The following RAB8A variants were observed in gnomAD, a reference collection of about 807,000 sequenced individuals.
RAB8A encodes RAB8A, member RAS oncogene family.
Under a neutral mutation model 29.2 loss-of-function variants are expected in RAB8A, and 5 were observed. That is an observed-to-expected ratio of 0.17 (90% CI 0.09 to 0.36). The LOEUF (loss-of-function observed/expected upper bound fraction) is 0.36. Among genes scored for constraint, RAB8A ranks in the 10% least tolerant of loss-of-function variants. RAB8A has a pLI of 1.00. For synonymous variants in RAB8A, 108 were observed against 99.9 expected (o/e 1.08, Z -0.49); for missense variants, 171 against 272.2 (o/e 0.63, Z 2.62).
chr19:16,130,081 C>T (rs995536236), intron 7 of RAB8A, among the ~76,000 whole-genome samples: 2 of 152,086 alleles, frequency 1.3e-5, no homozygotes, highest in Non-Finnish European at 2.9e-5. Flanking sequence ...TTCATTGTGT[C>T]CCAGGGTTCT....
intron 1 of RAB8A, among the ~76,000 whole-genome samples, chr19:16,113,532 G>T (rs754270230): frequency 2.0e-5 from 3 of 152,054 alleles, no homozygotes; most frequent in Non-Finnish European, 4.4e-5. Flanking sequence ...CTCCCTAGTA[G>T]CTGGGATTAT....
intron 1 of RAB8A, chr19:16,112,305 C>T: frequency 2.2e-6 from 1 of 448,672 alleles, no homozygotes; most frequent in Non-Finnish European, 4.1e-6. Context: ...TCTTCGCGCC[C>T]GTCCTCTCGA....
chr19:16,127,964 T>C lies in RAB8A; in HGVS notation c.415-62T>C, dbSNP rs774990179. On this transcript the variant is annotated intron_variant, in intron 5 of 7. Coordinates refer to ENST00000300935, the MANE Select transcript of RAB8A (RefSeq NM_005370.5). The surrounding 1 kb of genome is among the most constrained non-coding windows in gnomAD (Gnocchi z 4.8). Reference sequence around the variant, plus strand: ...CCGGCCCTGCCTTCAGCTCCTGTTTTAGGCAAGCTCAGATGCGCCCGGCGG... The same window carrying C: ...CCGGCCCTGCCTTCAGCTCCTGTTTCAGGCAAGCTCAGATGCGCCCGGCGG... 2.6e-6 allele frequency: 4 copies of C among 1,566,304 alleles called. No homozygotes were observed. In the African/African-American group the frequency reaches 5.4e-5, roughly 21 times the overall value.
intron 1 of RAB8A, among the ~76,000 whole-genome samples, chr19:16,115,002 C>A (rs1246092354): frequency 6.6e-6 from 1 of 152,072 alleles, no homozygotes; most frequent in Admixed American, 6.6e-5. Flanking sequence ...GCTTGGCCAA[C>A]CTAACAGTGC....
intron 2 of RAB8A, among the ~76,000 whole-genome samples, chr19:16,119,741 A>G (rs1234547075): frequency 6.6e-6 from 1 of 152,088 alleles, no homozygotes; most frequent in Non-Finnish European, 1.5e-5. Context: ...GCTCTTAGCA[A>G]TCGTGGTGAG....
intron 1 of RAB8A, chr19:16,112,322 C>T (rs2090828164): frequency 2.7e-6 from 1 of 363,994 alleles, no homozygotes. Context: ...TCGATCTGTC[C>T]TAGCAGCAGC....
chr19:16,129,453 G>A, intron 6 of RAB8A, 101 bp from the exon 7 acceptor site: 2 of 1,158,406 alleles, frequency 1.7e-6, no homozygotes, highest in Non-Finnish European at 2.6e-6. Context: ...CAAATGGGAG[G>A]CCCACGCCTG....
intron 4 of RAB8A, chr19:16,126,018 C>T (rs2090899578): frequency 4.7e-6 from 1 of 213,880 alleles, no homozygotes; most frequent in Non-Finnish European, 1.0e-5. Context: ...TAGGCCAACC[C>T]CTCCTCCCCT....
chr19:16,118,285 T>C lies in RAB8A; in HGVS notation c.184T>C (p.Trp62Arg), dbSNP rs1383515977. 3 of 1,609,804 alleles carry C rather than the reference T, an allele frequency of 1.9e-6. No individual in the cohort carries two copies. Among genetic ancestry groups the C allele is most frequent in the Non-Finnish European group, 2.5e-6 (3 of 1,177,560 alleles). ...LDGKRIKLQIWDTAGQERFRT... is the reference protein window; with the variant it reads ...LDGKRIKLQIRDTAGQERFRT... Reference sequence around the variant, plus strand: ...TGGCAAGAGAATTAAACTGCAGATATGGTAAGAGTCATTGTTCTCTGTCAT... The same window carrying C: ...TGGCAAGAGAATTAAACTGCAGATACGGTAAGAGTCATTGTTCTCTGTCAT... Residue 62 changes from tryptophan (W) to arginine (R), a missense_variant and splice_region_variant, in exon 2 of 8, where the codon TGG (tryptophan) becomes CGG (arginine). By Grantham distance (101) the Trp-to-Arg change is moderately radical (BLOSUM62 -3). Transcript: ENST00000300935.
chr19:16,127,977 A>G lies in RAB8A; in HGVS notation c.415-49A>G, dbSNP rs2090908974. ...CAGCTCCTGTTTTAGGCAAGCTCAGATGCGCCCGGCGGCTGGTGTGCTCAT... is the reference window on the plus strand; with the variant it reads ...CAGCTCCTGTTTTAGGCAAGCTCAGGTGCGCCCGGCGGCTGGTGTGCTCAT... On this transcript the variant is annotated intron_variant, in intron 5 of 7. Coordinates refer to ENST00000300935, the MANE Select transcript of RAB8A (RefSeq NM_005370.5). The surrounding 1 kb of genome is among the most constrained non-coding windows in gnomAD (Gnocchi z 4.8). 1.3e-6 allele frequency: 2 copies of G among 1,594,320 alleles called. No individual in the cohort carries two copies. The highest frequency in any genetic ancestry group is 2.7e-5 in the African/African-American group (2 of 74,614).
In RAB8A at chr19:16,118,347, T is replaced by C. The variant is rs1023606408; in HGVS notation, c.185+61T>C. 2.2e-5 allele frequency: 33 copies of C among 1,493,210 alleles called. No homozygotes were observed. The Admixed American group carries it at 5.4e-4, about 25-fold the overall frequency. The allele number at this position is 1,493,210 out of a possible 1,614,324, so 92.5% of individuals were successfully genotyped here. On this transcript the variant is annotated intron_variant, in intron 2 of 7. Coordinates refer to ENST00000300935, the MANE Select transcript of RAB8A (RefSeq NM_005370.5). ...GGCAATGGCTTCAAGCCAGAAGCCC[T>C]TGGCCTTCTCCCTCCACCGTCCCTG...
Position 16,125,274 on chromosome 19 carries a change from A to G in RAB8A, c.247-196A>G. 1 of 610,046 alleles carries G rather than the reference A, an allele frequency of 1.6e-6. No homozygotes were observed. Among genetic ancestry groups the G allele is most frequent in the Non-Finnish European group, 2.9e-6 (1 of 341,884 alleles). 37.8% of individuals were successfully genotyped at this position (610,046 alleles called of 1,614,324 possible). On this transcript the variant is annotated intron_variant, in intron 3 of 7. Coordinates refer to ENST00000300935, the MANE Select transcript of RAB8A (RefSeq NM_005370.5). The surrounding 1 kb of genome is among the most constrained non-coding windows in gnomAD (Gnocchi z 5.0). ...CAGGACAAGGCTGGTGCCAGAACCC[A>G]GCAGAAAGAAGGGCCACAGGGATGG... is the stretch of plus-strand genomic sequence containing the variant.
chr19:16,127,980 C>G lies in RAB8A; in HGVS notation c.415-46C>G. 4.4e-6 allele frequency: 7 copies of G among 1,596,686 alleles called. No homozygotes were observed. Among genetic ancestry groups the G allele is most frequent in the Non-Finnish European group, 6.0e-6 (7 of 1,164,174 alleles). ...CTCCTGTTTTAGGCAAGCTCAGATG[C>G]GCCCGGCGGCTGGTGTGCTCATGCG... On this transcript the variant is annotated intron_variant, in intron 5 of 7. Coordinates refer to ENST00000300935, the MANE Select transcript of RAB8A (RefSeq NM_005370.5). This position sits in a 1 kb window ranked among gnomAD's most constrained non-coding sequence, Gnocchi z 4.8.
At chr19:16,119,463 C>T (rs1021603492) in intron 2 of RAB8A, among the ~76,000 whole-genome samples, 1 of 152,208 alleles carries the variant, frequency 6.6e-6, no homozygotes, top group African/African-American at 2.4e-5. Flanking sequence ...CCTCGGCCTC[C>T]CAAAGTGCTG....
chr19:16,123,290 G>A (rs1433627935), intron 3 of RAB8A, among the ~76,000 whole-genome samples: 4 of 152,192 alleles, frequency 2.6e-5, no homozygotes, highest in Non-Finnish European at 5.9e-5. Flanking sequence ...GGCTGCATGT[G>A]GCTATTTGAA....
At chr19:16,128,119 T>C (rs1165647167) in intron 6 of RAB8A, 28 bp downstream of exon 6, 2 of 1,609,756 alleles carry the variant, frequency 1.2e-6, no homozygotes, top group South Asian at 1.1e-5. Flanking sequence ...CTGGGAGACA[T>C]GGGGCCTGCA....
At position 16,125,127 on chromosome 19, in the gene RAB8A, C is replaced by T. The variant is rs1163029028; in HGVS notation, c.247-343C>T. 2.7e-5 allele frequency: 11 copies of T among 404,468 alleles called. No homozygotes were observed. The highest frequency in any genetic ancestry group is 1.5e-4 in the South Asian group (6 of 38,866). The allele number at this position is 404,468 out of a possible 1,614,324, so 25.1% of individuals were successfully genotyped here. A position where few individuals can be genotyped will look rare whatever the true frequency, so the allele number is the denominator to read the frequency against. On this transcript the variant is annotated intron_variant, in intron 3 of 7. Transcript: ENST00000300935. This position sits in a 1 kb window ranked among gnomAD's most constrained non-coding sequence, Gnocchi z 5.0. Reference sequence around the variant, plus strand: ...TGCTGCTGGCAGTGGGCCTGTGGACCGGCTCCCACCGTCAGGCTGCACCAC... The same window carrying T: ...TGCTGCTGGCAGTGGGCCTGTGGACTGGCTCCCACCGTCAGGCTGCACCAC...
intron 2 of RAB8A, among the ~76,000 whole-genome samples, chr19:16,121,489 C>G (rs1174015277): frequency 6.6e-6 from 1 of 152,166 alleles, no homozygotes; most frequent in Non-Finnish European, 1.5e-5. Flanking sequence ...GGAGAATTCC[C>G]TGGAAGCAAA....
In RAB8A at chr19:16,122,895, G is replaced by C. The variant is rs1348559713; in HGVS notation, c.246+1085G>C. 6.6e-6 allele frequency among the ~76,000 whole-genome samples: 1 copy of C among 152,146 alleles called. No individual in the cohort carries two copies. The highest frequency in any genetic ancestry group is 1.5e-5 in the Non-Finnish European group (1 of 68,014). ...GTGGGCAGGCGGCCTGAGGGCACTG[G>C]GGTCTTGGGGAGCTTCAGCCTCTGG... On this transcript the variant is annotated intron_variant, in intron 3 of 7. Coordinates refer to ENST00000300935, the MANE Select transcript of RAB8A (RefSeq NM_005370.5). This position sits in a 1 kb window ranked among gnomAD's most constrained non-coding sequence, Gnocchi z 4.7.
Sources: gnomAD v4.1 joint callset for allele counts (sites outside exome capture counted in the v4.1 genomes callset) on GRCh38, gnomAD v4.1.1 for gene constraint, Gnocchi (gnomAD v3.1) non-coding constraint, MANE v1.5 for transcripts, NCBI Gene and HGNC (gene_info 2026-07-23, HGNC 2026-07-21) for gene names.